KCNK2: variants seen among roughly 807,000 people sequenced by gnomAD.
KCNK2 encodes the protein potassium two pore domain channel subfamily K member 2.
Under a neutral mutation model 40.5 loss-of-function variants are expected in KCNK2, and 21 were observed. The observed-to-expected ratio is 0.52, with a 90% CI of 0.37 to 0.75. KCNK2 has a LOEUF of 0.75. Among genes scored for constraint, KCNK2 ranks in the 30% least tolerant of loss-of-function variants. The pLI, the probability that KCNK2 is intolerant of heterozygous loss-of-function variation, is 0.00. For missense variants in KCNK2, 399 were observed against 531.6 expected, an observed-to-expected ratio of 0.75 and a Z score of 2.45; for synonymous variants, 191 against 202.2, an observed-to-expected ratio of 0.94 and a Z score of 0.47.
chr1:215,217,804 A>T, intron 6 of KCNK2, among the ~76,000 whole-genome samples: 1 of 152,224 alleles, frequency 6.6e-6, no homozygotes, highest in East Asian at 1.9e-4. Flanking sequence ...GACTTAGGGT[A>T]GTTTAAAGAA....
At chr1:215,053,069 T>C (rs1322790510) in intron 1 of KCNK2, among the ~76,000 whole-genome samples, 1 of 152,140 alleles carries the variant, frequency 6.6e-6, no homozygotes, top group Non-Finnish European at 1.5e-5. Context: ...GTTTCTTTTC[T>C]TTTCTTTTTT....
chr1:215,152,682 C>T (rs1000643402), intron 3 of KCNK2, among the ~76,000 whole-genome samples: 1 of 152,076 alleles, frequency 6.6e-6, no homozygotes, highest in Non-Finnish European at 1.5e-5. Flanking sequence ...GAACAGAAAT[C>T]TTATTGATTG....
chr1:215,170,149 A>G (rs1284266599), intron 4 of KCNK2, among the ~76,000 whole-genome samples: 1 of 152,152 alleles, frequency 6.6e-6, no homozygotes, highest in Non-Finnish European at 1.5e-5. Flanking sequence ...ATTTGTTTTG[A>G]TACCCTTATA....
intron 3 of KCNK2, among the ~76,000 whole-genome samples, chr1:215,156,329 A>T (rs551697798): frequency 6.6e-6 from 1 of 152,212 alleles, no homozygotes; most frequent in African/African-American, 2.4e-5. Flanking sequence ...TGCCGCTTGC[A>T]GTGAACTTAA....
intron 1 of KCNK2, among the ~76,000 whole-genome samples, chr1:215,056,591 G>T: frequency 1.5e-5 from 2 of 137,152 alleles, no homozygotes; most frequent in East Asian, 2.2e-4. Flanking sequence ...ATGTATAAAA[G>T]ATTTGTAAAG....
intron 1 of KCNK2, among the ~76,000 whole-genome samples, chr1:215,014,864 A>G (rs1275951961): frequency 6.6e-6 from 1 of 152,162 alleles, no homozygotes; most frequent in African/African-American, 2.4e-5. Context: ...ACCCATATTT[A>G]TCTTTCTGTC....
Position 215,169,316 on chromosome 1 carries a change from C to T in KCNK2, c.593C>T (p.Thr198Ile). The change falls in exon 4 of 7, where the codon ACC becomes ATC. Residue 198 changes from threonine (T) to isoleucine (I), a missense_variant. This residue lies in a region of KCNK2 where 279 missense variants were observed against 353.8 expected (regional missense o/e 0.79). Coordinates refer to ENST00000444842, the MANE Select transcript of KCNK2 (RefSeq NM_001017425.3). ...GCTGGAGTTGGAGATCAGCTAGGCA[C>T]CATATTTGGAAAAGGAATTGCCAAA... ...LLAGVGDQLGTIFGKGIAKVE... is the reference protein window; with the variant it reads ...LLAGVGDQLGIIFGKGIAKVE... The T allele has an allele frequency of 2.5e-6, 4 of 1,612,816 alleles. No homozygotes were observed. The highest frequency in any genetic ancestry group is 3.4e-6 in the Non-Finnish European group (4 of 1,179,374).
At chr1:215,197,928 G>C (rs115372417) in intron 6 of KCNK2, among the ~76,000 whole-genome samples, 3,593 of 152,232 alleles carry the variant, frequency 0.024, 122 homozygotes, top group African/African-American at 0.08. Context: ...GAACCTGGGA[G>C]GCGAAGGTTG....
chr1:215,195,187 C>T, intron 6 of KCNK2, 95 bp downstream of exon 6: 3 of 1,000,510 alleles, frequency 3.0e-6, no homozygotes, highest in Non-Finnish European at 4.2e-6. Context: ...AATATTTAAA[C>T]ATTTTAAAAT....
At chr1:215,230,473 A>T (rs1413545113) in intron 6 of KCNK2, among the ~76,000 whole-genome samples, 1 of 108,906 alleles carries the variant, frequency 9.2e-6, no homozygotes, top group Admixed American at 9.6e-5. Context: ...CTGTAGATAT[A>T]TATATACACA....
At chr1:215,142,097 TAATTACATTG>T (rs1177449001) in intron 3 of KCNK2, among the ~76,000 whole-genome samples, 1 of 152,178 alleles carries the variant, frequency 6.6e-6, no homozygotes, top group Non-Finnish European at 1.5e-5. Context: ...TTCTACTCCT[TAATTACATTG>T]AATACAGATT....
At chr1:215,007,183 GGGTA>G (rs1469068590) in intron 1 of KCNK2, among the ~76,000 whole-genome samples, 1,066 of 83,506 alleles carry the variant, frequency 0.013, 58 homozygotes, top group African/African-American at 0.035. Flanking sequence ...GTATGTGTGT[GGGTA>G]TATATATATA....
chr1:215,180,117 A>G (rs1402396906), intron 5 of KCNK2, among the ~76,000 whole-genome samples: 1 of 151,896 alleles, frequency 6.6e-6, no homozygotes, highest in Non-Finnish European at 1.5e-5. Context: ...GTAATACCTT[A>G]CTTTGTCCTT....
intron 3 of KCNK2, among the ~76,000 whole-genome samples, chr1:215,166,835 A>G (rs1663467751): frequency 6.6e-6 from 1 of 152,152 alleles, no homozygotes; most frequent in African/African-American, 2.4e-5. Context: ...AGGAATTTTC[A>G]ACTACTCGTA....
intron 2 of KCNK2, among the ~76,000 whole-genome samples, chr1:215,105,256 G>A (rs12093964): frequency 6.6e-6 from 1 of 151,936 alleles, no homozygotes; most frequent in Non-Finnish European, 1.5e-5. Flanking sequence ...CCACCCACTA[G>A]CAACCAGCAC....
chr1:215,018,715 C>T (rs758960115), intron 1 of KCNK2, among the ~76,000 whole-genome samples: 7 of 152,148 alleles, frequency 4.6e-5, no homozygotes, highest in Non-Finnish European at 1.0e-4. Flanking sequence ...TGGGGAATTA[C>T]GCATGGCCAG....
intron 3 of KCNK2, among the ~76,000 whole-genome samples, chr1:215,129,132 C>T (rs1661562320): frequency 6.6e-6 from 1 of 151,930 alleles, no homozygotes; most frequent in African/African-American, 2.4e-5. Context: ...GCCTTGGTGA[C>T]TAATAGAATG....
intron 1 of KCNK2, among the ~76,000 whole-genome samples, chr1:215,036,013 A>G (rs1026532511): frequency 6.6e-6 from 1 of 151,678 alleles, no homozygotes; most frequent in African/African-American, 2.4e-5. Flanking sequence ...CTGTCTTTTG[A>G]TATGCAGAAG....
chr1:215,159,258 G>A (rs1663082212), intron 3 of KCNK2, among the ~76,000 whole-genome samples: 2 of 152,110 alleles, frequency 1.3e-5, no homozygotes, highest in East Asian at 1.9e-4. Context: ...TAGGTGTCAA[G>A]GTGCCAGTCA....
Sources: gnomAD v4.1 joint callset for allele counts (sites outside exome capture counted in the v4.1 genomes callset) on GRCh38, gnomAD v4.1.1 for gene constraint, gnomAD v4.1.1 regional missense constraint, MANE v1.5 for transcripts, NCBI Gene and HGNC (gene_info 2026-07-23, HGNC 2026-07-21) for gene names.